The following DLGAP2 variants were observed in gnomAD, a reference collection of about 807,000 sequenced individuals.
The protein encoded by DLGAP2 is DLG associated protein 2.
Under a neutral mutation model 100.3 loss-of-function variants are expected in DLGAP2, and 26 were observed. That is an observed-to-expected ratio of 0.26 (90% CI 0.19 to 0.36). The LOEUF is 0.36. DLGAP2 is among the 10% of genes least tolerant of loss of function. The pLI, the probability that DLGAP2 is intolerant of heterozygous loss-of-function variation, is 1.00. For synonymous variants in DLGAP2, 886 were observed against 630.1 expected, an observed-to-expected ratio of 1.41 and a Z score of -6.08; for missense variants, 1,858 against 1,453.2, an observed-to-expected ratio of 1.28 and a Z score of -4.53.
At chr8:970,738 T>G (rs1006557743) in intron 2 of DLGAP2, among the ~76,000 whole-genome samples, 7 of 152,176 alleles carry the variant, frequency 4.6e-5, no homozygotes, top group African/African-American at 1.7e-4. Flanking sequence ...AAAAAATGCC[T>G]TAATCAACTA....
chr8:1,246,244 A>G (rs924207380), intron 2 of DLGAP2, among the ~76,000 whole-genome samples: 2 of 152,242 alleles, frequency 1.3e-5, no homozygotes, highest in African/African-American at 4.8e-5. Context: ...GAACGCAACC[A>G]CAAAATGGTA....
intron 14 of DLGAP2, 126 bp downstream of exon 14, chr8:1,697,425 C>T: frequency 7.3e-7 from 1 of 1,365,488 alleles, no homozygotes; most frequent in African/African-American, 1.5e-5. Context: ...AGCAAATTTC[C>T]CTCTATGTAT....
chr8:1,024,311 C>G (rs1288229710), intron 2 of DLGAP2, among the ~76,000 whole-genome samples: 5 of 117,902 alleles, frequency 4.2e-5, no homozygotes, highest in African/African-American at 6.7e-5. Flanking sequence ...CGTGCCGAGG[C>G]AGACACCCCA....
chr8:982,880 AG>A (rs1230189685), intron 2 of DLGAP2, among the ~76,000 whole-genome samples: 1 of 122,336 alleles, frequency 8.2e-6, no homozygotes, highest in Admixed American at 1.0e-4. Context: ...TTTTAAAGGT[AG>A]GATTTTTTTT....
chr8:920,912 G>C (rs1003186752), intron 2 of DLGAP2, among the ~76,000 whole-genome samples: 12 of 152,210 alleles, frequency 7.9e-5, no homozygotes, highest in African/African-American at 2.9e-4. Context: ...GCACTTGGCA[G>C]GATGAGCTGA....
chr8:817,656 C>G (rs1490479627), intron 1 of DLGAP2, among the ~76,000 whole-genome samples: 1 of 152,196 alleles, frequency 6.6e-6, no homozygotes, highest in Non-Finnish European at 1.5e-5. Flanking sequence ...CCACGGGGTG[C>G]TACCTTGATG....
intron 4 of DLGAP2, among the ~76,000 whole-genome samples, chr8:1,513,018 C>T (rs1408077657): frequency 6.6e-6 from 1 of 152,088 alleles, no homozygotes; most frequent in Non-Finnish European, 1.5e-5. Flanking sequence ...TTTCCCAGTG[C>T]AGAGGAGGAT....
At chr8:1,307,097 A>G (rs1021694202) in intron 3 of DLGAP2, among the ~76,000 whole-genome samples, 5 of 152,210 alleles carry the variant, frequency 3.3e-5, no homozygotes, top group Non-Finnish European at 5.9e-5. Context: ...AATGAAAGGG[A>G]TGGAATGGGA....
At chr8:1,082,405 C>G (rs542107079) in intron 2 of DLGAP2, among the ~76,000 whole-genome samples, 1 of 152,262 alleles carries the variant, frequency 6.6e-6, no homozygotes, top group East Asian at 1.9e-4. Flanking sequence ...CTGGATCTAG[C>G]TAAGGGTGGG....
At chr8:1,214,567 C>G (rs974157756) in intron 2 of DLGAP2, among the ~76,000 whole-genome samples, 2 of 152,236 alleles carry the variant, frequency 1.3e-5, no homozygotes, top group African/African-American at 4.8e-5. Flanking sequence ...AACCTTCTCA[C>G]ACGGCCTCCT....
At chr8:750,323 C>T (rs1232877986) in intron 1 of DLGAP2, among the ~76,000 whole-genome samples, 6 of 152,102 alleles carry the variant, frequency 3.9e-5, no homozygotes, top group Non-Finnish European at 8.8e-5. Flanking sequence ...GAGGACGTCA[C>T]AGGAAAAGTA....
At position 1,691,649 on chromosome 8, in the gene DLGAP2, CCT is replaced by C. The variant is rs776866635; in HGVS notation, c.2796+24_2796+25del. The C allele has an allele frequency of 8.3e-6, 13 of 1,571,174 alleles. No individual in the cohort carries two copies. The Admixed American group carries it at 1.2e-4, about 14-fold the overall frequency. On this transcript the variant is annotated intron_variant, in intron 13 of 14. Transcript: ENST00000637795. The stretch of plus-strand genomic sequence containing the variant: ...ATGGTAAGTGAATCCTCAGTGAACC[CCT>C]GTTCCCTGTAACCAAGCTAATGGGC...
intron 3 of DLGAP2, among the ~76,000 whole-genome samples, chr8:1,294,738 G>A (rs1258575054): frequency 2.0e-5 from 3 of 152,138 alleles, no homozygotes; most frequent in African/African-American, 7.2e-5. Context: ...GTGTGGTGGT[G>A]CACACGTGTA....
chr8:1,232,805 G>T (rs777934078), intron 2 of DLGAP2, among the ~76,000 whole-genome samples: 1 of 152,162 alleles, frequency 6.6e-6, no homozygotes, highest in Non-Finnish European at 1.5e-5. Flanking sequence ...TGTAGTAAAC[G>T]TATCGCAAGG....
intron 3 of DLGAP2, among the ~76,000 whole-genome samples, chr8:1,392,920 C>CT (rs971921176): frequency 1.5e-5 from 2 of 131,938 alleles, no homozygotes; most frequent in East Asian, 2.2e-4. Context: ...CTCTGTGACT[C>CT]TTTTTTTACA....
At chr8:1,046,406 C>T (rs1410832086) in intron 2 of DLGAP2, among the ~76,000 whole-genome samples, 2 of 152,156 alleles carry the variant, frequency 1.3e-5, no homozygotes, top group African/African-American at 4.8e-5. Context: ...CCTCCCATTT[C>T]CCCGGCTGCC....
chr8:1,023,644 C>T (rs1331427218), intron 2 of DLGAP2, among the ~76,000 whole-genome samples: 2 of 151,498 alleles, frequency 1.3e-5, no homozygotes, highest in Non-Finnish European at 2.9e-5. Flanking sequence ...CATTGTTCCC[C>T]ACGTGTGGCT....
At chr8:1,321,465 G>A (rs77314577) in intron 3 of DLGAP2, among the ~76,000 whole-genome samples, 2,680 of 152,306 alleles carry the variant, frequency 0.018, 90 homozygotes, top group African/African-American at 0.061. Context: ...GCGTGCATCC[G>A]CATCCATGTG....
chr8:786,580 G>C (rs73539419), intron 1 of DLGAP2, among the ~76,000 whole-genome samples: 1,752 of 152,090 alleles, frequency 0.012, 44 homozygotes, highest in African/African-American at 0.04. Context: ...AGCGCACTAC[G>C]CACAGTTCCC....
Sources: gnomAD v4.1 joint callset for allele counts (sites outside exome capture counted in the v4.1 genomes callset) on GRCh38, gnomAD v4.1.1 for gene constraint, MANE v1.5 for transcripts, NCBI Gene and HGNC (gene_info 2026-07-23, HGNC 2026-07-21) for gene names.